Variants in NDE1 observed in about 807,000 individuals in gnomAD.
The protein encoded by NDE1 is nudE neurodevelopment protein 1, also known as nuclear distribution protein nudE homolog 1.
NDE1 carries 28 observed loss-of-function variants against 43.4 expected under a neutral mutation model. The ratio of observed to expected loss-of-function variants is 0.65; its 90% CI spans 0.48 to 0.89. The LOEUF is 0.89. Among genes scored for constraint, NDE1 ranks in the 40% least tolerant of loss-of-function variants. The probability of loss-of-function intolerance (pLI) is 0.00; values close to 1 mark genes in which losing one functional copy is unlikely to be tolerated. For missense variants in NDE1, 441 were observed against 434.1 expected, an observed-to-expected ratio of 1.02 and a Z score of -0.14; for synonymous variants, 184 against 172.0, an observed-to-expected ratio of 1.07 and a Z score of -0.55.
chr16:15,711,588 G>T (rs1053469912), intron 8 of NDE1, among the ~76,000 whole-genome samples: 1 of 152,174 alleles, frequency 6.6e-6, no homozygotes, highest in Non-Finnish European at 1.5e-5. Context: ...GGTATTAAAG[G>T]TAGTAAGAGG....
intron 3 of NDE1, among the ~76,000 whole-genome samples, chr16:15,668,833 G>A (rs2037445868): frequency 6.6e-6 from 1 of 152,276 alleles, no homozygotes; most frequent in African/African-American, 2.4e-5. Flanking sequence ...CCTGGCTGCT[G>A]TTGACATTGG....
rs114119135 is a variant in NDE1 at position 15,694,369 on chromosome 16, A to C, written c.795+113A>C. 4.3e-3 allele frequency: 6,657 copies of C among 1,541,486 alleles called. 294 individuals are homozygous for C. The African/African-American group carries it at 0.081, about 19-fold the overall frequency. The stretch of plus-strand genomic sequence containing the variant: ...TCTTTTTTTCTTTTTTTTTAGAGAC[A>C]GGGTCTTGCTCTGTTGCTCAGGCTG... On this transcript the variant is annotated intron_variant, in intron 7 of 8. Coordinates refer to ENST00000396354, the MANE Select transcript of NDE1 (RefSeq NM_017668.3).
At chr16:15,685,552 TTTG>T (rs1456754997) in intron 4 of NDE1, among the ~76,000 whole-genome samples, 4 of 152,158 alleles carry the variant, frequency 2.6e-5, no homozygotes, top group East Asian at 1.9e-4. Context: ...TGCTTGTCCC[TTTG>T]TTGTTTTTAA....
chr16:15,664,325 A>G (rs1480964555), intron 1 of NDE1, among the ~76,000 whole-genome samples: 1 of 152,052 alleles, frequency 6.6e-6, no homozygotes, highest in Non-Finnish European at 1.5e-5. Flanking sequence ...TTTTGGCAGT[A>G]TTTAATCATT....
chr16:15,664,913 T>A, intron 2 of NDE1, 52 bp downstream of exon 2: 1 of 1,365,060 alleles, frequency 7.3e-7, no homozygotes, highest in Middle Eastern at 2.3e-4. Context: ...TGAGATGGGG[T>A]CCTGCTATGT....
chr16:15,643,949 T>C (rs1377831719), intron 1 of NDE1: 1 of 152,274 alleles, frequency 6.6e-6, no homozygotes, highest in Admixed American at 6.6e-5. Flanking sequence ...ACACTTTGTG[T>C]TTTAGGTGGC....
rs143942332 is a variant in NDE1 at position 15,678,467 on chromosome 16, C to T, written c.386+518C>T. On this transcript the variant is annotated intron_variant, in intron 4 of 8. Coordinates refer to ENST00000396354, the MANE Select transcript of NDE1 (RefSeq NM_017668.3). ...ACAATCCCTGCCTCCTGGATTCAAG[C>T]AATTCTCATGCCTCAGGCTCCTGAG... is the stretch of plus-strand genomic sequence containing the variant. Among the ~76,000 whole-genome samples the T allele has an allele frequency of 4.3e-3, 649 of 152,174 alleles. 1 individual carries two copies. The highest frequency in any genetic ancestry group is 0.013 in the African/African-American group (548 of 41,522).
At chr16:15,664,113 G>A (rs1567624170) in intron 1 of NDE1, among the ~76,000 whole-genome samples, 1 of 151,300 alleles carries the variant, frequency 6.6e-6, no homozygotes, top group African/African-American at 2.4e-5. Flanking sequence ...TTCCATTCCA[G>A]CCCCCACTCC....
At chr16:15,719,809 T>C in intron 8 of NDE1, 1 of 1,545,070 alleles carries the variant, frequency 6.5e-7, no homozygotes, top group Non-Finnish European at 8.9e-7. Flanking sequence ...TTGGATTTTC[T>C]GCAGTTGACC....
At chr16:15,708,046 G>A (rs1367382217) in intron 8 of NDE1, among the ~76,000 whole-genome samples, 4 of 151,512 alleles carry the variant, frequency 2.6e-5, no homozygotes, top group Non-Finnish European at 5.9e-5. Flanking sequence ...GCATCCTTGA[G>A]TCTTGGGTAT....
intron 8 of NDE1, chr16:15,697,077 C>A: frequency 6.8e-7 from 1 of 1,469,882 alleles, no homozygotes; most frequent in Non-Finnish European, 9.0e-7. Flanking sequence ...GAGACAGGGT[C>A]TCACTCTGTC....
intron 4 of NDE1, among the ~76,000 whole-genome samples, chr16:15,681,756 A>G (rs983115707): frequency 1.3e-5 from 2 of 152,208 alleles, no homozygotes; most frequent in Non-Finnish European, 1.5e-5. Context: ...CCTATGGCCC[A>G]GGCTGGAGTG....
intron 6 of NDE1, among the ~76,000 whole-genome samples, chr16:15,692,006 T>G (rs942940073): frequency 3.3e-5 from 5 of 151,612 alleles, no homozygotes; most frequent in African/African-American, 1.2e-4. Flanking sequence ...TAAAAAGCGT[T>G]CTGTGGGTTT....
intron 8 of NDE1, chr16:15,701,761 T>G (rs1306999112): frequency 6.6e-6 from 1 of 152,228 alleles, no homozygotes; most frequent in Non-Finnish European, 1.5e-5. Flanking sequence ...AGCAAAAATT[T>G]CAGGTTGAAA....
intron 5 of NDE1, among the ~76,000 whole-genome samples, chr16:15,690,314 A>G (rs954348676): frequency 7.8e-5 from 10 of 127,398 alleles, no homozygotes; most frequent in Non-Finnish European, 1.6e-4. Flanking sequence ...CTGGGATTAT[A>G]GGCTTGAGCC....
intron 8 of NDE1, chr16:15,708,742 T>A (rs369841035): frequency 6.5e-7 from 1 of 1,548,602 alleles, no homozygotes. Context: ...GAGGGGCGCA[T>A]TGGGCAGAAA....
intron 4 of NDE1, among the ~76,000 whole-genome samples, chr16:15,679,657 A>C (rs1261059227): frequency 6.6e-6 from 1 of 152,186 alleles, no homozygotes; most frequent in Non-Finnish European, 1.5e-5. Context: ...CCTTTTGTGC[A>C]GTTTTCAACA....
intron 2 of NDE1, among the ~76,000 whole-genome samples, chr16:15,666,677 T>C (rs1303375421): frequency 1.3e-5 from 2 of 152,160 alleles, no homozygotes; most frequent in Non-Finnish European, 2.9e-5. Flanking sequence ...TTGCACTGGC[T>C]CTTCACAAGT....
intron 2 of NDE1, among the ~76,000 whole-genome samples, chr16:15,666,863 A>G (rs1312779381): frequency 6.6e-6 from 1 of 152,164 alleles, no homozygotes; most frequent in African/African-American, 2.4e-5. Flanking sequence ...GCCTCAAGTA[A>G]TTCTTAATGA....
Sources: allele counts gnomAD v4.1 joint callset (sites outside exome capture counted in the v4.1 genomes callset), GRCh38; gene constraint gnomAD v4.1.1; transcripts MANE v1.5; gene names NCBI Gene and HGNC (gene_info 2026-07-23, HGNC 2026-07-21).